Variants in SFXN2 observed in about 807,000 individuals in gnomAD.
SFXN2 encodes sideroflexin-2.
A neutral mutation model predicts 41.9 loss-of-function variants in SFXN2; 37 were observed. That is an observed-to-expected ratio of 0.88 (90% CI 0.68 to 1.16). The LOEUF is 1.16. Ranked by LOEUF, SFXN2 falls within the 50% of genes most tolerant of loss-of-function variation. SFXN2 has a pLI of 0.00. For synonymous variants in SFXN2, 150 were observed against 156.7 expected (o/e 0.96, Z 0.32); for missense variants, 386 against 425.2 (o/e 0.91, Z 0.81).
Position 102,738,967 on chromosome 10 carries a change from A to G in SFXN2, c.*1205A>G, listed in dbSNP as rs975969797. The stretch of plus-strand genomic sequence containing the variant: ...TTTGGAACCTTCTAAGAGGAAATCA[A>G]CCAGGACCAAAGAGCCTTAAAGGAC... On this transcript the variant is annotated 3_prime_UTR_variant, in exon 12 of 12. Transcript: ENST00000369893. 2 of 152,682 alleles carry G rather than the reference A, an allele frequency of 1.3e-5. No homozygotes were observed. Among genetic ancestry groups the G allele is most frequent in the African/African-American group, 4.8e-5 (2 of 41,452 alleles). The allele number at this position is 152,682 out of a possible 1,614,324, so 9.5% of individuals were successfully genotyped here. A position where few individuals can be genotyped will look rare whatever the true frequency, so the allele number is the denominator to read the frequency against.
Position 102,732,232 on chromosome 10 carries a change from G to A in SFXN2, c.721+14G>A. 1.2e-6 allele frequency: 2 copies of A among 1,612,492 alleles called. No individual in the cohort carries two copies. The highest frequency in any genetic ancestry group is 1.7e-6 in the Non-Finnish European group (2 of 1,179,098). ...CTCCTGGGATGAGTAAGATGGGGAA[G>A]CCCTTCCATCCTGGGGAAGCCTGTG... On this transcript the variant is annotated intron_variant, in intron 8 of 11. Coordinates refer to ENST00000369893, the MANE Select transcript of SFXN2 (RefSeq NM_178858.6).
rs2064743974 is a variant in SFXN2 at position 102,734,343 on chromosome 10, G to A, written c.821+740G>A. Among the ~76,000 whole-genome samples the A allele has an allele frequency of 6.6e-6, 1 of 152,108 alleles. No individual in the cohort carries two copies. The highest frequency in any genetic ancestry group is 1.5e-5 in the Non-Finnish European group (1 of 68,028). On this transcript the variant is annotated intron_variant, in intron 10 of 11. Coordinates refer to ENST00000369893, the MANE Select transcript of SFXN2 (RefSeq NM_178858.6). This position sits in a 1 kb window ranked among gnomAD's most constrained non-coding sequence, Gnocchi z 4.1. ...TTCACCATGCATTTCAGGGCCACGA[G>A]ACTAATGACAGCATCACTAACAGCT...
chr10:102,723,191 C>T (rs1189861217), intron 1 of SFXN2, among the ~76,000 whole-genome samples: 3 of 151,640 alleles, frequency 2.0e-5, no homozygotes, highest in Non-Finnish European at 4.4e-5. Context: ...GGTGGTCCAC[C>T]GGCCTTGGCC....
chr10:102,726,239 C>A (rs2064590849), intron 1 of SFXN2, among the ~76,000 whole-genome samples: 1 of 152,220 alleles, frequency 6.6e-6, no homozygotes, highest in African/African-American at 2.4e-5. Flanking sequence ...TGAGCCACTG[C>A]ACCCAGCTGG....
rs1161069887 is a variant in SFXN2 at position 102,740,121 on chromosome 10, G to A, written c.*2359G>A. Reference sequence around the variant, plus strand: ...CCTCCCCGAGGCCAAGGAATTCACTGCAACTTGATTTTTCTCCCCGTTTAA... The same window carrying A: ...CCTCCCCGAGGCCAAGGAATTCACTACAACTTGATTTTTCTCCCCGTTTAA... On this transcript the variant is annotated 3_prime_UTR_variant, in exon 12 of 12. Coordinates refer to ENST00000369893, the MANE Select transcript of SFXN2 (RefSeq NM_178858.6). 1 of 152,184 alleles carries A rather than the reference G, an allele frequency of 6.6e-6. No individual in the cohort carries two copies. Among genetic ancestry groups the A allele is most frequent in the East Asian group, 1.9e-4 (1 of 5,196 alleles). The allele number at this position is 152,184 out of a possible 1,614,324, so 9.4% of individuals were successfully genotyped here. A position where few individuals can be genotyped will look rare whatever the true frequency, so the allele number is the denominator to read the frequency against.
At chr10:102,733,706 C>T in intron 10 of SFXN2, 103 bp downstream of exon 10, 2 of 968,988 alleles carry the variant, frequency 2.1e-6, no homozygotes, top group Non-Finnish European at 3.3e-6. Flanking sequence ...CTTTACCTGA[C>T]TTTAAAAGTG....
At chr10:102,725,655 G>A (rs543572157) in intron 1 of SFXN2, among the ~76,000 whole-genome samples, 59 of 152,282 alleles carry the variant, frequency 3.9e-4, no homozygotes, top group Non-Finnish European at 1.5e-4. Flanking sequence ...CACTTTGGGA[G>A]GCCGAGGCAG....
intron 7 of SFXN2, 141 bp from the exon 8 acceptor site, chr10:102,732,011 G>A: frequency 1.2e-6 from 1 of 842,698 alleles, no homozygotes; most frequent in Non-Finnish European, 1.9e-6. Context: ...AGGGGATAAA[G>A]TGAGGTCACT....
intron 1 of SFXN2, among the ~76,000 whole-genome samples, chr10:102,715,530 C>T (rs1333377921): frequency 6.6e-6 from 1 of 152,202 alleles, no homozygotes; most frequent in Non-Finnish European, 1.5e-5. Flanking sequence ...TTTACACAAA[C>T]GTGCTAGGCC....
rs2064822467 is a variant in SFXN2, at chr10:102,739,329, C to A, written c.*1567C>A. 6.6e-6 allele frequency: 1 copy of A among 152,172 alleles called. No individual in the cohort carries two copies. Among genetic ancestry groups the A allele is most frequent in the South Asian group, 2.1e-4 (1 of 4,832 alleles). The allele number at this position is 152,172 out of a possible 1,614,324, so 9.4% of individuals were successfully genotyped here. A position where few individuals can be genotyped will look rare whatever the true frequency, so the allele number is the denominator to read the frequency against. ...CCTGGAGGCTGTTGTTTATTTCCCT[C>A]ATTAAAGGGGAAATCCACCTGTCTC... On this transcript the variant is annotated 3_prime_UTR_variant, in exon 12 of 12. Transcript: ENST00000369893.
intron 11 of SFXN2, 142 bp downstream of exon 11, chr10:102,736,051 C>G: frequency 1.2e-6 from 1 of 834,522 alleles, no homozygotes; most frequent in South Asian, 1.4e-5. Flanking sequence ...AGCCTAAAGG[C>G]TGGGCCTCTT....
At chr10:102,727,204 G>T in intron 3 of SFXN2, 47 bp downstream of exon 3, 2 of 1,560,712 alleles carry the variant, frequency 1.3e-6, no homozygotes, top group African/African-American at 1.4e-5. Flanking sequence ...GCCTGGATCT[G>T]CTGGTCAGGG....
intron 4 of SFXN2, 196 bp downstream of exon 4, chr10:102,728,725 A>T: frequency 1.8e-6 from 1 of 570,190 alleles, no homozygotes; most frequent in Non-Finnish European, 3.1e-6. Flanking sequence ...AAATGTGTTT[A>T]TTCATTCATT....
At chr10:102,727,279 C>A in intron 3 of SFXN2, 122 bp downstream of exon 3, 2 of 1,070,130 alleles carry the variant, frequency 1.9e-6, no homozygotes, top group Non-Finnish European at 2.6e-6. Context: ...AGGCACTATG[C>A]TACATTCTTT....
Position 102,728,499 on chromosome 10 carries a change from A to G in SFXN2, c.401A>G (p.Asn134Ser), listed in dbSNP as rs1161367189. The part of the protein sequence containing the change: ...QSFNALVNYT[N>S]RNAASPTSVR... The stretch of plus-strand genomic sequence containing the variant: ...TTCAATGCCTTAGTCAACTACACCA[A>G]CAGGAATGCGGCTTCCCCCACATCA... The change falls in exon 4 of 12, where the codon AAC becomes AGC. Residue 134 changes from asparagine (N) to serine (S), a missense_variant. By Grantham distance (46) the Asn-to-Ser change is conservative. Transcript: ENST00000369893. 2 of 1,613,852 alleles carry G rather than the reference A, an allele frequency of 1.2e-6. No individual in the cohort carries two copies. The highest frequency in any genetic ancestry group is 1.7e-6 in the Non-Finnish European group (2 of 1,179,874).
At chr10:102,727,293 C>T (rs988812362) in intron 3 of SFXN2, 136 bp downstream of exon 3, 22 of 908,690 alleles carry the variant, frequency 2.4e-5, no homozygotes, top group African/African-American at 3.3e-5. Context: ...ATTCTTTGCT[C>T]GTATTGCTTC....
At chr10:102,727,453 G>A (rs1298053690) in intron 3 of SFXN2, among the ~76,000 whole-genome samples, 1 of 152,210 alleles carries the variant, frequency 6.6e-6, no homozygotes, top group African/African-American at 2.4e-5. Context: ...GCAGTCCTGT[G>A]TAGAACCCTC....
intron 4 of SFXN2, 142 bp from the exon 5 acceptor site, chr10:102,729,177 G>A (rs1048404324): frequency 1.3e-5 from 9 of 703,366 alleles, no homozygotes; most frequent in Admixed American, 2.6e-5. Context: ...GTGAGGGGGA[G>A]AGGGTCACAA....
At position 102,734,717 on chromosome 10, in the gene SFXN2, C is replaced by T. The variant is rs2064749746; in HGVS notation, c.821+1114C>T. On this transcript the variant is annotated intron_variant, in intron 10 of 11. Transcript: ENST00000369893. This position sits in a 1 kb window ranked among gnomAD's most constrained non-coding sequence, Gnocchi z 4.1. ...GCAGTAGCCCTAAAAAGTAGGTTGT[C>T]CTCCCTCTGTGTCTCTGAGGTAACT... Among the ~76,000 whole-genome samples the T allele has an allele frequency of 1.3e-5, 2 of 152,166 alleles. No individual in the cohort carries two copies. The highest frequency in any genetic ancestry group is 2.9e-5 in the Non-Finnish European group (2 of 68,030).
Sources: gnomAD v4.1 joint callset for allele counts (sites outside exome capture counted in the v4.1 genomes callset) on GRCh38, gnomAD v4.1.1 for gene constraint, Gnocchi (gnomAD v3.1) non-coding constraint, MANE v1.5 for transcripts, NCBI Gene and HGNC (gene_info 2026-07-23, HGNC 2026-07-21) for gene names.